EFNA5: variants seen among roughly 807,000 people sequenced by gnomAD.
The protein encoded by EFNA5 is ephrin-A5.
Under a neutral mutation model 22.9 loss-of-function variants are expected in EFNA5, and 5 were observed. The ratio of observed to expected loss-of-function variants is 0.22; its 90% confidence interval spans 0.11 to 0.46. The LOEUF (loss-of-function observed/expected upper bound fraction) is 0.46. Among genes scored for constraint, EFNA5 ranks in the 20% least tolerant of loss-of-function variants. EFNA5 has a pLI of 0.99. For missense variants in EFNA5, 237 were observed against 293.3 expected (o/e 0.81, Z 1.40); for synonymous variants, 113 against 112.2 (o/e 1.01, Z -0.04).
chr5:107,447,109 T>G (rs1749418524), intron 1 of EFNA5, among the ~76,000 whole-genome samples: 1 of 152,180 alleles, frequency 6.6e-6, no homozygotes, highest in South Asian at 2.1e-4. Flanking sequence ...CCTGAGAGAC[T>G]GGTGAACACA....
chr5:107,496,939 G>C (rs1246185093), intron 1 of EFNA5, among the ~76,000 whole-genome samples: 1 of 152,188 alleles, frequency 6.6e-6, no homozygotes, highest in Non-Finnish European at 1.5e-5. Flanking sequence ...TAGAGTCTTG[G>C]CTTTATGCTA....
chr5:107,637,236 A>G (rs1750391521), intron 1 of EFNA5, among the ~76,000 whole-genome samples: 1 of 152,214 alleles, frequency 6.6e-6, no homozygotes, highest in Non-Finnish European at 1.5e-5. Context: ...AGTCCAGAAA[A>G]AACAAGAGTA....
intron 1 of EFNA5, among the ~76,000 whole-genome samples, chr5:107,663,577 T>A (rs1751010434): frequency 6.6e-6 from 1 of 152,128 alleles, no homozygotes; most frequent in Non-Finnish European, 1.5e-5. Flanking sequence ...AAAGAATATT[T>A]ATATCTTATA....
intron 1 of EFNA5, among the ~76,000 whole-genome samples, chr5:107,612,906 T>C (rs142039387): frequency 4.5e-4 from 68 of 152,236 alleles, no homozygotes; most frequent in African/African-American, 1.6e-3. Flanking sequence ...CTTCTAGACA[T>C]AGAAACTCAG....
At chr5:107,581,322 C>A (rs976413900) in intron 1 of EFNA5, among the ~76,000 whole-genome samples, 4 of 152,126 alleles carry the variant, frequency 2.6e-5, no homozygotes, top group Non-Finnish European at 5.9e-5. Context: ...CTTTCATTCC[C>A]TTTGTGATAT....
At chr5:107,486,912 T>C (rs1235980835) in intron 1 of EFNA5, among the ~76,000 whole-genome samples, 1 of 152,204 alleles carries the variant, frequency 6.6e-6, no homozygotes, top group Non-Finnish European at 1.5e-5. Context: ...ATTTATACTT[T>C]AGTTTCCTTC....
intron 1 of EFNA5, among the ~76,000 whole-genome samples, chr5:107,596,507 T>C (rs1220417312): frequency 6.6e-6 from 1 of 152,202 alleles, no homozygotes; most frequent in East Asian, 1.9e-4. Context: ...CTTTATCCAT[T>C]CATCCACGGA....
chr5:107,546,651 A>AACATACACACACACAC (rs1554065956), intron 1 of EFNA5, among the ~76,000 whole-genome samples: 18 of 121,358 alleles, frequency 1.5e-4, no homozygotes, highest in African/African-American at 5.1e-4. Flanking sequence ...TGGTGCGTAA[A>AACATACACACACACAC]ACACACACAC....
At chr5:107,601,404 G>C (rs956988624) in intron 1 of EFNA5, among the ~76,000 whole-genome samples, 1 of 122,718 alleles carries the variant, frequency 8.1e-6, no homozygotes, top group African/African-American at 4.1e-5. Flanking sequence ...GCCCACCACT[G>C]TACTGGGCTG....
intron 1 of EFNA5, among the ~76,000 whole-genome samples, chr5:107,631,067 A>C (rs141413961): frequency 6.6e-6 from 1 of 152,250 alleles, no homozygotes; most frequent in Non-Finnish European, 1.5e-5. Context: ...GACCTGCCTG[A>C]GGCTGTTTTG....
At chr5:107,421,195 C>A (rs1748656143) in intron 2 of EFNA5, among the ~76,000 whole-genome samples, 1 of 152,116 alleles carries the variant, frequency 6.6e-6, no homozygotes, top group Non-Finnish European at 1.5e-5. Flanking sequence ...AAACTGTAAA[C>A]TTTTAATCTA....
At chr5:107,446,758 C>CT (rs1252988852) in intron 1 of EFNA5, among the ~76,000 whole-genome samples, 1 of 123,174 alleles carries the variant, frequency 8.1e-6, no homozygotes, top group Non-Finnish European at 1.7e-5. Flanking sequence ...AAATAAAAAA[C>CT]TTAAAAAAAT....
intron 1 of EFNA5, among the ~76,000 whole-genome samples, chr5:107,658,467 A>T (rs1015338562): frequency 1.3e-5 from 2 of 152,200 alleles, no homozygotes; most frequent in Admixed American, 1.3e-4. Context: ...ATAAACTTCA[A>T]TGTAAAAATC....
intron 1 of EFNA5, among the ~76,000 whole-genome samples, chr5:107,449,228 T>A (rs775796670): frequency 2.2e-4 from 34 of 152,048 alleles, no homozygotes; most frequent in Admixed American, 4.6e-4. Flanking sequence ...ATTCATCACA[T>A]CAATTTCAAC....
At chr5:107,486,978 T>C (rs1746646126) in intron 1 of EFNA5, among the ~76,000 whole-genome samples, 1 of 152,208 alleles carries the variant, frequency 6.6e-6, no homozygotes, top group South Asian at 2.1e-4. Context: ...ACATTGCTGC[T>C]AGAGCATTCT....
intron 1 of EFNA5, among the ~76,000 whole-genome samples, chr5:107,498,884 C>T (rs987870247): frequency 6.6e-6 from 1 of 152,106 alleles, no homozygotes; most frequent in South Asian, 2.1e-4. Flanking sequence ...GGTGATTACC[C>T]TGTAAATTAC....
chr5:107,469,365 A>C (rs1295070597), intron 1 of EFNA5, among the ~76,000 whole-genome samples: 2 of 150,564 alleles, frequency 1.3e-5, no homozygotes, highest in Admixed American at 1.3e-4. Context: ...TCAAAGATTG[A>C]TCTAATTTTG....
rs571339710 is a variant in EFNA5, at chr5:107,380,750, C to T, written c.*505G>A. 1.5e-4 allele frequency: 59 copies of T among 399,630 alleles called. No individual in the cohort carries two copies. The South Asian group carries it at 4.4e-3, about 30-fold the overall frequency. 24.8% of individuals were successfully genotyped at this position (399,630 alleles called of 1,614,324 possible). A position where few individuals can be genotyped will look rare whatever the true frequency, so the allele number is the denominator to read the frequency against. On this transcript the variant is annotated 3_prime_UTR_variant, in exon 5 of 5. Coordinates refer to ENST00000333274, the MANE Select transcript of EFNA5 (RefSeq NM_001962.3). Reference sequence around the variant, plus strand: ...GTATCTATTCTTAATACCTCCCCTCCGGACCTGACATGGTGACATGATGCC... The same window carrying T: ...GTATCTATTCTTAATACCTCCCCTCTGGACCTGACATGGTGACATGATGCC...
intron 1 of EFNA5, among the ~76,000 whole-genome samples, chr5:107,632,305 T>C (rs559950835): frequency 1.8e-4 from 28 of 152,294 alleles, no homozygotes; most frequent in Middle Eastern, 6.8e-3. Flanking sequence ...CAACATATTT[T>C]ATTTGTAAAT....
Sources: allele counts gnomAD v4.1 joint callset (sites outside exome capture counted in the v4.1 genomes callset), GRCh38; gene constraint gnomAD v4.1.1; transcripts MANE v1.5; gene names NCBI Gene and HGNC (gene_info 2026-07-23, HGNC 2026-07-21).